RAB38: variants seen among roughly 807,000 people sequenced by gnomAD.
RAB38 encodes the protein ras-related protein Rab-38.
A neutral mutation model predicts 18.4 loss-of-function variants in RAB38; 15 were observed. The ratio of observed to expected loss-of-function variants is 0.82; its 90% confidence interval spans 0.55 to 1.26. The LOEUF is 1.26. Among genes scored for constraint, RAB38 ranks in the 50% most tolerant of loss-of-function variants. The pLI, the probability that RAB38 is intolerant of heterozygous loss-of-function variation, is 0.00. For synonymous variants in RAB38, 101 were observed against 104.4 expected (o/e 0.97, Z 0.20); for missense variants, 294 against 267.4 (o/e 1.10, Z -0.69).
chr11:88,174,214 T>C (rs923782861), intron 1 of RAB38: 1 of 492,164 alleles, frequency 2.0e-6, no homozygotes, highest in African/African-American at 2.1e-5. Context: ...GCAGGTTAGT[T>C]AGTGGCAGGG....
the RAB38 span, among the ~76,000 whole-genome samples, chr11:87,916,666 A>T: frequency 1.2e-4 from 18 of 152,128 alleles, no homozygotes; most frequent in Admixed American, 1.2e-3. Context: ...GCAATACAGA[A>T]CAGACTGAGA....
At chr11:88,070,305 C>A in the RAB38 span, among the ~76,000 whole-genome samples, 1 of 152,186 alleles carries the variant, frequency 6.6e-6, no homozygotes. Flanking sequence ...TGCAGCTTCA[C>A]TCCTGAAGTC....
the RAB38 span, among the ~76,000 whole-genome samples, chr11:87,806,205 T>G: frequency 2.6e-5 from 4 of 152,198 alleles, no homozygotes; most frequent in Admixed American, 6.6e-5. Context: ...GATATGCAGC[T>G]TAGTCCATTC....
the RAB38 span, among the ~76,000 whole-genome samples, chr11:87,967,123 T>C: frequency 5.3e-5 from 8 of 152,250 alleles, no homozygotes; most frequent in Non-Finnish European, 1.0e-4. Context: ...TGAACTTTAA[T>C]GTCATTGGAC....
chr11:87,871,064 G>T, the RAB38 span, among the ~76,000 whole-genome samples: 1 of 151,568 alleles, frequency 6.6e-6, no homozygotes, highest in African/African-American at 2.4e-5. Flanking sequence ...CAAACACTGG[G>T]TTTAATATGT....
At chr11:87,918,427 T>C in the RAB38 span, among the ~76,000 whole-genome samples, 1 of 152,174 alleles carries the variant, frequency 6.6e-6, no homozygotes, top group Non-Finnish European at 1.5e-5. Context: ...CTGGATCATA[T>C]AGTAGTTCTA....
At chr11:88,042,237 G>A in the RAB38 span, among the ~76,000 whole-genome samples, 2 of 151,950 alleles carry the variant, frequency 1.3e-5, no homozygotes, top group South Asian at 2.1e-4. Context: ...TCCCAAATAC[G>A]GCTATCTCTG....
the RAB38 span, among the ~76,000 whole-genome samples, chr11:88,051,961 TA>T: frequency 6.6e-6 from 1 of 151,894 alleles, no homozygotes; most frequent in Non-Finnish European, 1.5e-5. Context: ...CCTTCTCTAC[TA>T]AATACAAAAA....
chr11:87,867,527 G>T, the RAB38 span, among the ~76,000 whole-genome samples: 5 of 151,742 alleles, frequency 3.3e-5, no homozygotes, highest in Non-Finnish European at 7.4e-5. Flanking sequence ...GTAAGTAGAA[G>T]ACATTGGTGG....
chr11:88,146,230 G>C lies in RAB38; in HGVS notation c.483+3445C>G, dbSNP rs541806580. 5.3e-5 allele frequency among the ~76,000 whole-genome samples: 8 copies of C among 152,282 alleles called. No individual in the cohort carries two copies. The South Asian group carries it at 1.7e-3, about 32-fold the overall frequency. ...GCAGTGGGGTCAGTGGTAAGATGGAGGCTGGTTTCAATGACTAACTCATCT... is the reference window on the plus strand; with the variant it reads ...GCAGTGGGGTCAGTGGTAAGATGGACGCTGGTTTCAATGACTAACTCATCT... On this transcript the variant is annotated intron_variant, in intron 2 of 2. Coordinates refer to ENST00000243662, the MANE Select transcript of RAB38 (RefSeq NM_022337.3).
the RAB38 span, among the ~76,000 whole-genome samples, chr11:88,095,787 A>G: frequency 6.6e-6 from 1 of 151,876 alleles, no homozygotes; most frequent in Admixed American, 6.6e-5. Flanking sequence ...CATCACAGTT[A>G]TACCTCCTAC....
the RAB38 span, among the ~76,000 whole-genome samples, chr11:87,937,880 T>G: frequency 1.3e-5 from 2 of 151,326 alleles, no homozygotes; most frequent in Non-Finnish European, 3.0e-5. Context: ...GTTTTTTTTT[T>G]TTTTTTTTTT....
In RAB38 at chr11:88,139,667, T is replaced by C. The variant is rs1007860675; in HGVS notation, c.483+10008A>G. On this transcript the variant is annotated intron_variant, in intron 2 of 2. Coordinates refer to ENST00000243662, the MANE Select transcript of RAB38 (RefSeq NM_022337.3). ...CAATGCATCTTAACCAGGGTGCAAGTAAAAATCACCAAAGGAGTGTTTTCC... is the reference window on the plus strand; with the variant it reads ...CAATGCATCTTAACCAGGGTGCAAGCAAAAATCACCAAAGGAGTGTTTTCC... Among the ~76,000 whole-genome samples, 45 of 152,326 alleles carry C rather than the reference T, an allele frequency of 3.0e-4. 1 individual carries two copies. The highest frequency in any genetic ancestry group is 9.6e-4 in the African/African-American group (40 of 41,582).
At chr11:88,098,448 G>A in the RAB38 span, 1 of 151,968 alleles carries the variant, frequency 6.6e-6, no homozygotes, top group Non-Finnish European at 1.5e-5. Context: ...TCTCTCAGTA[G>A]CAGGACATAT....
At chr11:87,937,870 G>GTTTTTTTTTTTTTTTTTTT in the RAB38 span, among the ~76,000 whole-genome samples, 2 of 92,022 alleles carry the variant, frequency 2.2e-5, no homozygotes, top group Non-Finnish European at 4.7e-5. Context: ...TCATTGAAGT[G>GTTTTTTTTTTTTTTTTTTT]TTTTTTTTTT....
At chr11:88,100,529 G>T in the RAB38 span, among the ~76,000 whole-genome samples, 1 of 151,840 alleles carries the variant, frequency 6.6e-6, no homozygotes, top group Non-Finnish European at 1.5e-5. Flanking sequence ...AAAGAATCTG[G>T]CTCCCTGCTG....
chr11:87,826,300 A>C, the RAB38 span, among the ~76,000 whole-genome samples: 4 of 152,232 alleles, frequency 2.6e-5, no homozygotes, highest in South Asian at 2.1e-4. Flanking sequence ...TGCTTTCTTT[A>C]TTTTAGATTA....
the RAB38 span, among the ~76,000 whole-genome samples, chr11:87,839,690 A>G: frequency 1.3e-5 from 2 of 152,210 alleles, no homozygotes; most frequent in South Asian, 4.1e-4. Context: ...AAATAGCTGA[A>G]GAAACTCTCT....
chr11:88,168,108 C>A (rs11608067), intron 1 of RAB38, among the ~76,000 whole-genome samples: 35,658 of 152,012 alleles, frequency 0.23, 4,231 homozygotes, highest in Admixed American at 0.26. Context: ...CACCAAACCA[C>A]TTTTACTAAG....
Sources: allele counts gnomAD v4.1 joint callset (sites outside exome capture counted in the v4.1 genomes callset), GRCh38; gene constraint gnomAD v4.1.1; transcripts MANE v1.5; gene names NCBI Gene and HGNC (gene_info 2026-07-23, HGNC 2026-07-21).